DLG1: variants seen among roughly 807,000 people sequenced by gnomAD.
The protein encoded by DLG1 is disks large homolog 1.
DLG1 carries 42 observed loss-of-function variants against 123.4 expected under a neutral mutation model. The observed-to-expected ratio is 0.34, with a 90% confidence interval of 0.27 to 0.44. The LOEUF is 0.44. Ranked by LOEUF, DLG1 falls within the 20% of genes least tolerant of loss-of-function variation. DLG1 has a pLI of 1.00. For missense variants in DLG1, 942 were observed against 1,082.6 expected (o/e 0.87, Z 1.82); for synonymous variants, 317 against 356.2 (o/e 0.89, Z 1.24).
At chr3:197,087,710 C>G (rs1362541749) in intron 15 of DLG1, among the ~76,000 whole-genome samples, 1 of 152,110 alleles carries the variant, frequency 6.6e-6, no homozygotes, top group African/African-American at 2.4e-5. Flanking sequence ...GGAGTGGCAG[C>G]AGAGAGGGTT....
intron 3 of DLG1, 129 bp downstream of exon 3, chr3:197,296,217 C>A: frequency 1.1e-6 from 1 of 885,946 alleles, no homozygotes; most frequent in Non-Finnish European, 1.7e-6. Flanking sequence ...ACACACAACT[C>A]ACTGAAGATG....
At chr3:197,131,616 C>T (rs374914795) in intron 10 of DLG1, among the ~76,000 whole-genome samples, 56 of 91,996 alleles carry the variant, frequency 6.1e-4, no homozygotes, top group African/African-American at 2.2e-3. Flanking sequence ...TTTTTTGAGA[C>T]GGAGTCTCGC....
rs560913484 is a variant in DLG1 at position 197,069,127 on chromosome 3, G to C, written c.2047+92C>G. On this transcript the variant is annotated intron_variant, in intron 19 of 24. Coordinates refer to ENST00000667157, the MANE Select transcript of DLG1 (RefSeq NM_001366207.1). Reference sequence around the variant, plus strand: ...TTAAAATAACGATCATATAACTTCAGGTTTTTATAACATATCACTCAGAAT... The same window carrying C: ...TTAAAATAACGATCATATAACTTCACGTTTTTATAACATATCACTCAGAAT... 14 of 780,114 alleles carry C rather than the reference G, an allele frequency of 1.8e-5. No homozygotes were observed. The African/African-American group carries it at 2.2e-4, about 12-fold the overall frequency. The allele number at this position is 780,114 out of a possible 1,614,324, so 48.3% of individuals were successfully genotyped here.
intron 11 of DLG1, among the ~76,000 whole-genome samples, chr3:197,120,588 T>C (rs1184014286): frequency 6.6e-6 from 1 of 152,208 alleles, no homozygotes; most frequent in Non-Finnish European, 1.5e-5. Flanking sequence ...TAATCTCTTT[T>C]TTATTAAATT....
intron 4 of DLG1, among the ~76,000 whole-genome samples, chr3:197,235,883 T>G (rs1181986585): frequency 2.0e-5 from 3 of 152,044 alleles, no homozygotes; most frequent in Non-Finnish European, 4.4e-5. Flanking sequence ...TTAAGTATGC[T>G]CAAGGACTTA....
chr3:197,176,513 C>T (rs1480980337), intron 5 of DLG1, among the ~76,000 whole-genome samples: 5 of 152,064 alleles, frequency 3.3e-5, no homozygotes, highest in African/African-American at 1.2e-4. Flanking sequence ...TTATTGTTTC[C>T]ATAGTTTTGC....
At chr3:197,064,495 T>C (rs1738187145) in intron 22 of DLG1, among the ~76,000 whole-genome samples, 1 of 152,198 alleles carries the variant, frequency 6.6e-6, no homozygotes, top group Non-Finnish European at 1.5e-5. Context: ...ACCCGGCCTT[T>C]ACATTTCTTT....
chr3:197,240,940 T>A (rs2150734996), intron 4 of DLG1, among the ~76,000 whole-genome samples: 1 of 152,016 alleles, frequency 6.6e-6, no homozygotes, highest in South Asian at 2.1e-4. Context: ...AATGTAAGAA[T>A]TATTAGTGTT....
intron 23 of DLG1, among the ~76,000 whole-genome samples, chr3:197,057,200 C>G (rs1379748864): frequency 6.6e-6 from 1 of 152,102 alleles, no homozygotes; most frequent in Non-Finnish European, 1.5e-5. Flanking sequence ...CTGCTTCGGC[C>G]TCCTAAGTAG....
intron 4 of DLG1, among the ~76,000 whole-genome samples, chr3:197,214,883 G>A (rs1230378140): frequency 1.3e-5 from 2 of 152,096 alleles, no homozygotes; most frequent in African/African-American, 4.8e-5. Flanking sequence ...AAGAAGAAAT[G>A]CACATTAAAA....
chr3:197,097,252 T>G (rs933522418), intron 14 of DLG1, among the ~76,000 whole-genome samples: 1 of 151,610 alleles, frequency 6.6e-6, no homozygotes, highest in African/African-American at 2.4e-5. Flanking sequence ...GTAGATTCCT[T>G]GCACTCAACA....
intron 5 of DLG1, among the ~76,000 whole-genome samples, chr3:197,165,534 T>TA (rs1800978492): frequency 6.6e-6 from 1 of 152,074 alleles, no homozygotes; most frequent in Admixed American, 6.5e-5. Flanking sequence ...TTTAACACAA[T>TA]AAAAAAGTAT....
At chr3:197,068,354 T>A in intron 19 of DLG1, 1 of 601,130 alleles carries the variant, frequency 1.7e-6, no homozygotes, top group Non-Finnish European at 2.9e-6. Flanking sequence ...ATTAATAAAA[T>A]GCTGAAATAC....
chr3:197,254,898 A>G (rs889305751), intron 4 of DLG1, among the ~76,000 whole-genome samples: 3 of 151,658 alleles, frequency 2.0e-5, no homozygotes, highest in Non-Finnish European at 4.4e-5. Flanking sequence ...AAATACAAAG[A>G]AAAAAAAATT....
intron 14 of DLG1, among the ~76,000 whole-genome samples, chr3:197,100,634 G>T (rs1308271328): frequency 6.6e-6 from 1 of 152,126 alleles, no homozygotes; most frequent in Admixed American, 6.5e-5. Context: ...TGAGGTGAGA[G>T]ATTCCAAGAG....
chr3:197,184,386 G>A (rs759624248), intron 5 of DLG1, among the ~76,000 whole-genome samples: 1 of 152,178 alleles, frequency 6.6e-6, no homozygotes, highest in South Asian at 2.1e-4. Flanking sequence ...CTGTTAAAAT[G>A]ATTTCACTAA....
chr3:197,297,608 G>C (rs1220414395), intron 1 of DLG1: 1 of 1,014,990 alleles, frequency 9.9e-7, no homozygotes, highest in Non-Finnish European at 1.2e-6. Context: ...AGCGGCCGCA[G>C]AGCGCTGAGA....
chr3:197,197,803 A>G (rs571471686), intron 4 of DLG1, among the ~76,000 whole-genome samples: 1 of 152,372 alleles, frequency 6.6e-6, no homozygotes, highest in South Asian at 2.1e-4. Flanking sequence ...ATAGATATAT[A>G]GATCAATGGA....
At chr3:197,202,781 T>C (rs367624302) in intron 4 of DLG1, among the ~76,000 whole-genome samples, 5 of 152,216 alleles carry the variant, frequency 3.3e-5, no homozygotes, top group African/African-American at 1.2e-4. Flanking sequence ...TGTAAGGAGA[T>C]GTGAGCATTA....
Sources: allele counts gnomAD v4.1 joint callset (sites outside exome capture counted in the v4.1 genomes callset), GRCh38; gene constraint gnomAD v4.1.1; transcripts MANE v1.5; gene names NCBI Gene and HGNC (gene_info 2026-07-23, HGNC 2026-07-21).